Variants in PIEZO2 observed in about 807,000 individuals in gnomAD.
PIEZO2 encodes piezo-type mechanosensitive ion channel component 2.
In PIEZO2, 172 loss-of-function variants were observed where a neutral mutation model predicts 337.3. The observed-to-expected ratio is 0.51, with a 90% CI of 0.45 to 0.58. The LOEUF is 0.58. Among genes scored for constraint, PIEZO2 ranks in the 20% least tolerant of loss-of-function variants. The pLI is 0.00. For missense variants in PIEZO2, 3,028 were observed against 3,391.3 expected, an observed-to-expected ratio of 0.89 and a Z score of 2.66; for synonymous variants, 1,251 against 1,228.5, an observed-to-expected ratio of 1.02 and a Z score of -0.38.
At position 10,707,584 on chromosome 18, in the gene PIEZO2, G is replaced by A. The variant is rs1242976465; in HGVS notation, c.5588+691C>T. ...TCATTGTGCCCCCTCACCATCCTAAGGCAATTCAAAAAGAGTTTTCGGGTT... is the reference window on the plus strand; with the variant it reads ...TCATTGTGCCCCCTCACCATCCTAAAGCAATTCAAAAAGAGTTTTCGGGTT... On this transcript the variant is annotated intron_variant, in intron 40 of 55. Coordinates refer to ENST00000674853, the MANE Select transcript of PIEZO2 (RefSeq NM_001378183.1). The surrounding 1 kb of genome is among the most constrained non-coding windows in gnomAD (Gnocchi z 4.2). Among the ~76,000 whole-genome samples, 1 of 152,158 alleles carries A rather than the reference G, an allele frequency of 6.6e-6. No homozygotes were observed. Among genetic ancestry groups the A allele is most frequent in the African/African-American group, 2.4e-5 (1 of 41,442 alleles).
At chr18:10,868,126 CT>C (rs2144769216) in intron 5 of PIEZO2, among the ~76,000 whole-genome samples, 1 of 152,320 alleles carries the variant, frequency 6.6e-6, no homozygotes, top group East Asian at 1.9e-4. Context: ...ACCCAAGAGT[CT>C]TCCCCACGGA....
In PIEZO2 at chr18:10,813,337, G is replaced by A. The variant is rs188406279; in HGVS notation, c.918-6063C>T. On this transcript the variant is annotated intron_variant, in intron 7 of 55. Coordinates refer to ENST00000674853, the MANE Select transcript of PIEZO2 (RefSeq NM_001378183.1). The surrounding 1 kb of genome is among the most constrained non-coding windows in gnomAD (Gnocchi z 4.2). The stretch of plus-strand genomic sequence containing the variant: ...GTATTAATTACACTCATATTGTTGC[G>A]AAACCAATCGCCAGAACTTTTTCAT... Among the ~76,000 whole-genome samples the A allele has an allele frequency of 5.3e-5, 8 of 152,234 alleles. No individual in the cohort carries two copies. The highest frequency in any genetic ancestry group is 1.7e-4 in the African/African-American group (7 of 41,530).
Position 11,143,685 on chromosome 18 carries a change from T to A in PIEZO2, c.64+4840A>T, listed in dbSNP as rs1465199038. Reference sequence around the variant, plus strand: ...CTCTCTCTCTCTCACTCTCTCTCTCTCACATAATTTGGCTCTAGGAAGGCA... The same window carrying A: ...CTCTCTCTCTCTCACTCTCTCTCTCACACATAATTTGGCTCTAGGAAGGCA... On this transcript the variant is annotated intron_variant, in intron 1 of 55. Coordinates refer to ENST00000674853, the MANE Select transcript of PIEZO2 (RefSeq NM_001378183.1). The surrounding 1 kb of genome is among the most constrained non-coding windows in gnomAD (Gnocchi z 4.9). Among the ~76,000 whole-genome samples, 2 of 143,424 alleles carry A rather than the reference T, an allele frequency of 1.4e-5. No individual in the cohort carries two copies. The highest frequency in any genetic ancestry group is 3.1e-5 in the Non-Finnish European group (2 of 64,634). The allele number at this position is 143,424 out of a possible 152,430, so 94.1% of individuals were successfully genotyped here.
chr18:10,928,300 C>A (rs1042423442), intron 3 of PIEZO2, among the ~76,000 whole-genome samples: 26 of 152,174 alleles, frequency 1.7e-4, no homozygotes, highest in African/African-American at 6.3e-4. Flanking sequence ...GCCTGTCAAA[C>A]AGACAGAAGT....
intron 4 of PIEZO2, among the ~76,000 whole-genome samples, chr18:10,896,905 C>T (rs1312604216): frequency 6.6e-6 from 1 of 152,214 alleles, no homozygotes; most frequent in Non-Finnish European, 1.5e-5. Context: ...TTGTTTACTT[C>T]TCTGCCATGG....
rs1878877484 is a variant in PIEZO2 at position 10,969,064 on chromosome 18, A to G, written c.286+10471T>C. Among the ~76,000 whole-genome samples, 1 of 152,230 alleles carries G rather than the reference A, an allele frequency of 6.6e-6. No homozygotes were observed. Among genetic ancestry groups the G allele is most frequent in the Admixed American group, 6.5e-5 (1 of 15,292 alleles). On this transcript the variant is annotated intron_variant, in intron 3 of 55. Transcript: ENST00000674853. The surrounding 1 kb of genome is among the most constrained non-coding windows in gnomAD (Gnocchi z 4.5). ...TAACTAAGCTTATGTCATACAAATA[A>G]TATTTTCTAGAATGTCATTACTATG...
intron 28 of PIEZO2, among the ~76,000 whole-genome samples, chr18:10,751,255 G>A (rs73389060): frequency 0.02 from 3,020 of 152,234 alleles, 82 homozygotes; most frequent in African/African-American, 0.06. Flanking sequence ...TAAAAAACAG[G>A]TCTACAGTAC....
chr18:11,010,489 C>T (rs1267986998), intron 2 of PIEZO2, among the ~76,000 whole-genome samples: 5 of 152,204 alleles, frequency 3.3e-5, no homozygotes, highest in African/African-American at 1.2e-4. Context: ...GGGTCCACAA[C>T]ACCACTAGGA....
In PIEZO2 at chr18:10,699,002, G is replaced by C; in HGVS notation, c.6617C>G (p.Ala2206Gly). The change falls in exon 44 of 56, where the codon GCT becomes GGT. Residue 2206 changes from alanine to glycine, a missense_variant. This residue lies in a region of PIEZO2 where 1,925 missense variants were observed against 2,051.9 expected (regional missense o/e 0.94). Coordinates refer to ENST00000674853, the MANE Select transcript of PIEZO2 (RefSeq NM_001378183.1). ...VHVTFPEQQTAVRRKRSGSSS... is the reference protein window; with the variant it reads ...VHVTFPEQQTGVRRKRSGSSS... ...GCTGCCGGAGCGCTTCCTCCGGACAGCTGTCTGCTGCTCCGGGAAGGTCAC... is the reference window on the plus strand; with the variant it reads ...GCTGCCGGAGCGCTTCCTCCGGACACCTGTCTGCTGCTCCGGGAAGGTCAC... 1 of 1,537,058 alleles carries C rather than the reference G, an allele frequency of 6.5e-7. No homozygotes were observed. Among genetic ancestry groups the C allele is most frequent in the Non-Finnish European group, 8.7e-7 (1 of 1,146,914 alleles).
intron 3 of PIEZO2, among the ~76,000 whole-genome samples, chr18:10,957,353 T>C (rs1186695676): frequency 1.3e-5 from 2 of 150,734 alleles, no homozygotes; most frequent in African/African-American, 2.4e-5. Context: ...GCCAAGATTG[T>C]GCCACTGCAC....
intron 3 of PIEZO2, among the ~76,000 whole-genome samples, chr18:10,925,586 T>A (rs155326): frequency 0.49 from 73,826 of 150,846 alleles, 18,212 homozygotes; most frequent in South Asian, 0.66. Context: ...TGAAAAAAAA[T>A]TTTTTTTTTC....
At chr18:10,799,570 TAA>T (rs1667914510) in intron 11 of PIEZO2, among the ~76,000 whole-genome samples, 1 of 152,128 alleles carries the variant, frequency 6.6e-6, no homozygotes, top group South Asian at 2.1e-4. Flanking sequence ...TCATCTTTAG[TAA>T]TAGTGGTCTC....
At chr18:11,075,798 T>C (rs1414271783) in intron 1 of PIEZO2, among the ~76,000 whole-genome samples, 3 of 149,758 alleles carry the variant, frequency 2.0e-5, no homozygotes, top group Non-Finnish European at 4.5e-5. Context: ...TTTTTTTTTT[T>C]TTTTTTTTGA....
At chr18:10,891,210 G>A (rs1241523417) in intron 4 of PIEZO2, among the ~76,000 whole-genome samples, 1 of 152,158 alleles carries the variant, frequency 6.6e-6, no homozygotes, top group African/African-American at 2.4e-5. Context: ...TGTAATCCCA[G>A]CTACTTGGGA....
chr18:10,851,128 T>C (rs1488936044), intron 7 of PIEZO2, among the ~76,000 whole-genome samples: 1 of 145,216 alleles, frequency 6.9e-6, no homozygotes, highest in African/African-American at 2.8e-5. Flanking sequence ...CTTTCTCTTT[T>C]TCTTTTCTTT....
intron 36 of PIEZO2, among the ~76,000 whole-genome samples, chr18:10,721,925 G>A (rs1287971216): frequency 6.6e-6 from 1 of 152,154 alleles, no homozygotes; most frequent in Non-Finnish European, 1.5e-5. Context: ...GGAGACCGAG[G>A]TGGGAGGATC....
In PIEZO2 at chr18:11,002,651, T is replaced by C. The variant is rs1037727704; in HGVS notation, c.161-22991A>G. 1.3e-5 allele frequency among the ~76,000 whole-genome samples: 2 copies of C among 152,228 alleles called. No individual in the cohort carries two copies. The highest frequency in any genetic ancestry group is 4.8e-5 in the African/African-American group (2 of 41,458). ...AAGATATGCCTAATATTCTTAATAT[T>C]ATGAGACAGTTGCTTTGTTGCAATG... On this transcript the variant is annotated intron_variant, in intron 2 of 55. Transcript: ENST00000674853. The surrounding 1 kb of genome is among the most constrained non-coding windows in gnomAD (Gnocchi z 4.3).
intron 3 of PIEZO2, among the ~76,000 whole-genome samples, chr18:10,928,448 T>C (rs1028697638): frequency 1.3e-5 from 2 of 152,256 alleles, no homozygotes; most frequent in African/African-American, 4.8e-5. Context: ...GTGATTTCCC[T>C]GTTCCACCAA....
chr18:10,905,704 T>C (rs1275746537), intron 4 of PIEZO2, among the ~76,000 whole-genome samples: 1 of 151,692 alleles, frequency 6.6e-6, no homozygotes, highest in Non-Finnish European at 1.5e-5. Flanking sequence ...TAGTGACAAA[T>C]GACACTTCCA....
Sources: gnomAD v4.1 joint callset for allele counts (sites outside exome capture counted in the v4.1 genomes callset) on GRCh38, gnomAD v4.1.1 for gene constraint, gnomAD v4.1.1 regional missense constraint, Gnocchi (gnomAD v3.1) non-coding constraint, MANE v1.5 for transcripts, NCBI Gene and HGNC (gene_info 2026-07-23, HGNC 2026-07-21) for gene names.